The following PCDHGA5 variants were observed in gnomAD, a reference collection of about 807,000 sequenced individuals.
PCDHGA5 encodes the protein protocadherin gamma subfamily A, 5, also known as protocadherin gamma-A5.
PCDHGA5 carries 36 observed loss-of-function variants against 56.7 expected under a neutral mutation model. That is an observed-to-expected ratio of 0.64 (90% confidence interval 0.49 to 0.84). PCDHGA5 has a LOEUF of 0.84. PCDHGA5 is among the 40% of genes least tolerant of loss of function. PCDHGA5 has a pLI of 0.00. For synonymous variants in PCDHGA5, 563 were observed against 520.2 expected (o/e 1.08, Z -1.12); for missense variants, 1,305 against 1,201.5 (o/e 1.09, Z -1.27).
At chr5:141,386,725 TA>T (rs1200567298) in intron 1 of PCDHGA5, among the ~76,000 whole-genome samples, 3 of 152,182 alleles carry the variant, frequency 2.0e-5, no homozygotes, top group African/African-American at 7.2e-5. Context: ...CCAACAATGT[TA>T]CTGAGGGAAG....
chr5:141,370,752 A>G (rs1561547929), intron 1 of PCDHGA5: 1 of 1,613,836 alleles, frequency 6.2e-7, no homozygotes, highest in African/African-American at 1.3e-5. Flanking sequence ...TTTTCATGTA[A>G]CTGTGCTGAT....
intron 1 of PCDHGA5, chr5:141,382,993 C>A (rs762865747): frequency 6.2e-7 from 1 of 1,613,660 alleles, no homozygotes; most frequent in South Asian, 1.1e-5. Context: ...AGGACGTATT[C>A]TCTACTCCGT....
chr5:141,498,390 T>C (rs2099783500), intron 2 of PCDHGA5, among the ~76,000 whole-genome samples: 1 of 151,982 alleles, frequency 6.6e-6, no homozygotes, highest in Non-Finnish European at 1.5e-5. Context: ...ATCAAGGGAA[T>C]GGCAGGGAGT....
chr5:141,423,327 A>C, intron 1 of PCDHGA5: 1 of 1,614,100 alleles, frequency 6.2e-7, no homozygotes, highest in Non-Finnish European at 8.5e-7. Context: ...CGGTGGCCGC[A>C]GTCTCCTGCA....
At chr5:141,436,335 A>T (rs2097814208) in intron 1 of PCDHGA5, among the ~76,000 whole-genome samples, 1 of 152,172 alleles carries the variant, frequency 6.6e-6, no homozygotes, top group African/African-American at 2.4e-5. Flanking sequence ...ACCATATCTC[A>T]AATATCAGTG....
intron 1 of PCDHGA5, among the ~76,000 whole-genome samples, chr5:141,435,760 T>TTGGTGAATTC (rs2097778609): frequency 1.3e-5 from 2 of 152,172 alleles, no homozygotes; most frequent in African/African-American, 4.8e-5. Context: ...TTGATTTCTT[T>TTGGTGAATTC]TGGTGAATTC....
intron 1 of PCDHGA5, chr5:141,390,359 C>T: frequency 1.3e-6 from 2 of 1,538,574 alleles, no homozygotes; most frequent in Admixed American, 1.9e-5. Flanking sequence ...TACATATTTG[C>T]AGGAAAATAT....
At chr5:141,424,577 A>T (rs958508704) in intron 1 of PCDHGA5, 1 of 152,206 alleles carries the variant, frequency 6.6e-6, no homozygotes, top group Non-Finnish European at 1.5e-5. Context: ...ACCTATTTTC[A>T]AATGTGCTAA....
chr5:141,489,150 TAA>T lies in PCDHGA5; in HGVS notation c.2422-5656_2422-5655del. 1.2e-6 allele frequency: 1 copy of T among 862,654 alleles called. No homozygotes were observed. Among genetic ancestry groups the T allele is most frequent in the Non-Finnish European group, 1.7e-6 (1 of 575,074 alleles). The allele number at this position is 862,654 out of a possible 1,614,324, so 53.4% of individuals were successfully genotyped here. On this transcript the variant is annotated intron_variant, in intron 1 of 3. Coordinates refer to ENST00000518069, the MANE Select transcript of PCDHGA5 (RefSeq NM_018918.3). This position sits in a 1 kb window ranked among gnomAD's most constrained non-coding sequence, Gnocchi z 4.5. ...GTTTTTAAGAGGCTGGAAGGAGACA[TAA>T]GAGACTTCAGCTGCTGCATTCCAAG... is the stretch of plus-strand genomic sequence containing the variant.
At chr5:141,384,368 C>A (rs748304499) in intron 1 of PCDHGA5, 3 of 1,613,790 alleles carry the variant, frequency 1.9e-6, no homozygotes, top group Non-Finnish European at 2.5e-6. Flanking sequence ...ATCACTTATT[C>A]CTTGGCCGAA....
chr5:141,453,288 A>G (rs931678565), intron 1 of PCDHGA5, among the ~76,000 whole-genome samples: 1 of 151,342 alleles, frequency 6.6e-6, no homozygotes, highest in Non-Finnish European at 1.5e-5. Context: ...TAATTTTTTA[A>G]TTATTTATTT....
Position 141,434,451 on chromosome 5 carries a change from A to T in PCDHGA5, c.2422-60356A>T, listed in dbSNP as rs145324240. 3.9e-3 allele frequency among the ~76,000 whole-genome samples: 589 copies of T among 152,326 alleles called. 6 individuals carry two copies. The highest frequency in any genetic ancestry group is 0.011 in the Admixed American group (170 of 15,298). ...GGCCGTAATGCCCATGCTGGAAGGTAGTGGGTTTACCGGAATGAGGGCAAG... is the reference window on the plus strand; with the variant it reads ...GGCCGTAATGCCCATGCTGGAAGGTTGTGGGTTTACCGGAATGAGGGCAAG... On this transcript the variant is annotated intron_variant, in intron 1 of 3. Transcript: ENST00000518069.
chr5:141,430,617 C>G, intron 1 of PCDHGA5: 1 of 715,450 alleles, frequency 1.4e-6, no homozygotes, highest in South Asian at 3.9e-5. Context: ...AAGCAGATAG[C>G]TAGGAATGAA....
Position 141,364,438 on chromosome 5 carries a change from G to A in PCDHGA5, c.108G>A (p.Pro36=). ...CCGGGCAGATCCGCTACTCGATGCC[G>A]GAGGAGCTGGACAAAGGCTCCTTCG... The part of the protein sequence containing the change: ...PGSGQIRYSM[P]EELDKGSFVG... Residue 36 remains proline, a synonymous_variant, in exon 1 of 4, where the codon CCG becomes CCA. Coordinates refer to ENST00000518069, the MANE Select transcript of PCDHGA5 (RefSeq NM_018918.3). 6.2e-7 allele frequency: 1 copy of A among 1,613,820 alleles called. No individual in the cohort carries two copies. Among genetic ancestry groups the A allele is most frequent in the Non-Finnish European group, 8.5e-7 (1 of 1,179,778 alleles).
Position 141,491,414 on chromosome 5 carries a change from G to A in PCDHGA5, c.2422-3393G>A. On this transcript the variant is annotated intron_variant, in intron 1 of 3. Coordinates refer to ENST00000518069, the MANE Select transcript of PCDHGA5 (RefSeq NM_018918.3). The surrounding 1 kb of genome is among the most constrained non-coding windows in gnomAD (Gnocchi z 6.9). ...CTTCAGGGAAACGCAGACGGGGACGGGGGTGGAGGGCAGTGCTGCAGGCGC... is the reference window on the plus strand; with the variant it reads ...CTTCAGGGAAACGCAGACGGGGACGAGGGTGGAGGGCAGTGCTGCAGGCGC... 2 of 1,614,126 alleles carry A rather than the reference G, an allele frequency of 1.2e-6. No individual in the cohort carries two copies. Among genetic ancestry groups the A allele is most frequent in the Non-Finnish European group, 1.7e-6 (2 of 1,180,022 alleles).
chr5:141,438,319 T>C (rs934592523), intron 1 of PCDHGA5, among the ~76,000 whole-genome samples: 1 of 151,982 alleles, frequency 6.6e-6, no homozygotes, highest in African/African-American at 2.4e-5. Flanking sequence ...CACCATAATT[T>C]TTCTTATACA....
intron 1 of PCDHGA5, chr5:141,408,124 G>A: frequency 1.4e-6 from 2 of 1,478,862 alleles, no homozygotes; most frequent in Non-Finnish European, 1.8e-6. Context: ...CCTGTCCTGG[G>A]CCGAATGCTC....
intron 1 of PCDHGA5, among the ~76,000 whole-genome samples, chr5:141,382,053 TC>T (rs1158430534): frequency 6.6e-6 from 1 of 151,934 alleles, no homozygotes; most frequent in Non-Finnish European, 1.5e-5. Flanking sequence ...GGTCTCAAGC[TC>T]CCGACCTCAG....
At position 141,366,600 on chromosome 5, in the gene PCDHGA5, T is replaced by C; in HGVS notation, c.2270T>C (p.Val757Ala). The C allele has an allele frequency of 1.2e-6, 2 of 1,614,036 alleles. No homozygotes were observed. The highest frequency in any genetic ancestry group is 1.7e-6 in the Non-Finnish European group (2 of 1,180,000). ...TTCCTGCAGACCTATTCCCACGAGG[T>C]CTCCCTCACCGCGGACTCGAGGAAG... ...RAFLQTYSHE[V>A]SLTADSRKSH... is the part of the protein sequence containing the mutation. The change falls in exon 1 of 4, where the codon GTC becomes GCC. Residue 757 changes from valine (V) to alanine (A), a missense_variant. Val to Ala is a moderately conservative substitution (Grantham distance 64). Transcript: ENST00000518069.
Sources: gnomAD v4.1 joint callset for allele counts (sites outside exome capture counted in the v4.1 genomes callset) on GRCh38, gnomAD v4.1.1 for gene constraint, Gnocchi (gnomAD v3.1) non-coding constraint, MANE v1.5 for transcripts, NCBI Gene and HGNC (gene_info 2026-07-23, HGNC 2026-07-21) for gene names.